Variants in WDR82 observed in about 807,000 individuals in gnomAD.
WDR82 encodes WD repeat domain 82.
Under a neutral mutation model 36.1 loss-of-function variants are expected in WDR82, and 8 were observed. The ratio of observed to expected loss-of-function variants is 0.22; its 90% CI spans 0.13 to 0.40. The LOEUF (loss-of-function observed/expected upper bound fraction) is 0.40. WDR82 is among the 10% of genes least tolerant of loss of function. The probability of loss-of-function intolerance (pLI) is 1.00; values close to 1 mark genes in which losing one functional copy is unlikely to be tolerated. For synonymous variants in WDR82, 129 were observed against 137.8 expected, an observed-to-expected ratio of 0.94 and a Z score of 0.45; for missense variants, 185 against 400.5, an observed-to-expected ratio of 0.46 and a Z score of 4.59.
intron 3 of WDR82, among the ~76,000 whole-genome samples, chr3:52,263,619 G>GA (rs1700079832): frequency 6.6e-6 from 1 of 152,224 alleles, no homozygotes; most frequent in African/African-American, 2.4e-5. Flanking sequence ...GAACACAGAG[G>GA]AAAGTGACAC....
intron 2 of WDR82, among the ~76,000 whole-genome samples, chr3:52,270,362 G>A (rs1405698101): frequency 6.6e-6 from 1 of 152,096 alleles, no homozygotes; most frequent in Non-Finnish European, 1.5e-5. Context: ...TCAGTGATCC[G>A]CCCACCTCAG....
In WDR82 at chr3:52,278,425, G is replaced by A; in HGVS notation, c.-64C>T. The A allele has an allele frequency of 8.2e-7, 1 of 1,212,750 alleles. No homozygotes were observed. Among genetic ancestry groups the A allele is most frequent in the Non-Finnish European group, 1.0e-6 (1 of 974,234 alleles). The allele number at this position is 1,212,750 out of a possible 1,614,324, so 75.1% of individuals were successfully genotyped here. A position where few individuals can be genotyped will look rare whatever the true frequency, so the allele number is the denominator to read the frequency against. On this transcript the variant is annotated 5_prime_UTR_variant, in exon 1 of 9. Transcript: ENST00000296490. Reference sequence around the variant, plus strand: ...GGCGGGGCCCGGCGGCGAGCGGGCGGGCTGCCGAGGGGCCAACCCAGGCGG... The same window carrying A: ...GGCGGGGCCCGGCGGCGAGCGGGCGAGCTGCCGAGGGGCCAACCCAGGCGG...
intron 1 of WDR82, among the ~76,000 whole-genome samples, chr3:52,274,134 T>C (rs138548533): frequency 1.4e-4 from 21 of 152,322 alleles, no homozygotes; most frequent in East Asian, 7.7e-4. Flanking sequence ...CTCTTCCAAA[T>C]TGAAATATCA....
intron 1 of WDR82, among the ~76,000 whole-genome samples, chr3:52,271,378 C>T (rs1004457617): frequency 1.3e-5 from 2 of 151,956 alleles, no homozygotes; most frequent in African/African-American, 4.8e-5. Flanking sequence ...CAGATTATAC[C>T]GTCAGGTTTG....
At chr3:52,261,281 G>A in intron 4 of WDR82, 99 bp downstream of exon 4, 2 of 1,088,678 alleles carry the variant, frequency 1.8e-6, no homozygotes, top group East Asian at 2.5e-5. Flanking sequence ...TGTGATCCCA[G>A]AATGGAACCA....
At chr3:52,277,417 G>C (rs993693012) in intron 1 of WDR82, among the ~76,000 whole-genome samples, 26 of 148,370 alleles carry the variant, frequency 1.8e-4, no homozygotes, top group African/African-American at 6.2e-4. Context: ...AAGTGTAATA[G>C]AAAAAAAAAA....
intron 6 of WDR82, 67 bp from the exon 7 acceptor site, chr3:52,259,333 A>C: frequency 6.8e-7 from 1 of 1,466,154 alleles, no homozygotes; most frequent in Non-Finnish European, 9.5e-7. Context: ...GCCTACAAAC[A>C]CTGACTCAGC....
intron 1 of WDR82, 174 bp downstream of exon 1, chr3:52,278,027 G>T (rs78427693): frequency 2.1e-6 from 1 of 466,652 alleles, no homozygotes; most frequent in Admixed American, 4.3e-5. Flanking sequence ...TTTTTTTTAA[G>T]AAGAAAAAAA....
chr3:52,274,711 T>C (rs111250548), intron 1 of WDR82, among the ~76,000 whole-genome samples: 5 of 152,038 alleles, frequency 3.3e-5, no homozygotes, highest in African/African-American at 1.2e-4. Context: ...GAGACCAACA[T>C]GGCCAACATT....
chr3:52,265,987 T>A (rs1469437569), intron 3 of WDR82, among the ~76,000 whole-genome samples: 2 of 151,960 alleles, frequency 1.3e-5, no homozygotes, highest in Non-Finnish European at 2.9e-5. Context: ...CAGGAAAAAA[T>A]ACCCCAAGTG....
intron 1 of WDR82, among the ~76,000 whole-genome samples, chr3:52,274,845 G>C (rs1297810074): frequency 6.6e-6 from 1 of 151,920 alleles, no homozygotes; most frequent in African/African-American, 2.4e-5. Context: ...GGTTGCAGCA[G>C]TGAGCCAAGA....
At chr3:52,263,950 G>C (rs1039866221) in intron 3 of WDR82, among the ~76,000 whole-genome samples, 4 of 152,126 alleles carry the variant, frequency 2.6e-5, no homozygotes, top group Non-Finnish European at 4.4e-5. Flanking sequence ...GATCACCTGA[G>C]GTCAGGAGTT....
intron 7 of WDR82, 40 bp from the exon 8 acceptor site, chr3:52,258,718 G>A (rs760523474): frequency 7.4e-6 from 12 of 1,612,364 alleles, no homozygotes; most frequent in Admixed American, 3.3e-5. Context: ...AGCTCAAGGC[G>A]CAATACAAAG....
chr3:52,270,135 T>C (rs1442559194), intron 2 of WDR82, among the ~76,000 whole-genome samples: 1 of 152,250 alleles, frequency 6.6e-6, no homozygotes, highest in Non-Finnish European at 1.5e-5. Flanking sequence ...AGTGTTCTTT[T>C]TGGAGATGGA....
In WDR82 at chr3:52,256,206, C is replaced by T. The variant is rs538196832; in HGVS notation, c.*1284G>A. ...CAAACACTATCAGCTTTGCTTCAGT[C>T]TTCTGAAATGAAAATATTAATAAGG... is the stretch of plus-strand genomic sequence containing the variant. On this transcript the variant is annotated 3_prime_UTR_variant, in exon 9 of 9. Transcript: ENST00000296490. 6.5e-6 allele frequency: 1 copy of T among 154,046 alleles called. No individual in the cohort carries two copies. The highest frequency in any genetic ancestry group is 2.1e-4 in the South Asian group (1 of 4,828). The allele number at this position is 154,046 out of a possible 1,614,324, so 9.5% of individuals were successfully genotyped here.
rs1700009748 is a variant in WDR82, at chr3:52,256,417, C to T, written c.*1073G>A. The T allele has an allele frequency of 6.5e-6, 1 of 153,662 alleles. No individual in the cohort carries two copies. The highest frequency in any genetic ancestry group is 1.5e-5 in the Non-Finnish European group (1 of 68,036). 9.5% of individuals were successfully genotyped at this position (153,662 alleles called of 1,614,324 possible). A position where few individuals can be genotyped will look rare whatever the true frequency, so the allele number is the denominator to read the frequency against. ...TTTAAATGAAGGTGCATACACTGTG[C>T]TAAAATACAAACAACAGAAATCAAA... On this transcript the variant is annotated 3_prime_UTR_variant, in exon 9 of 9. Coordinates refer to ENST00000296490, the MANE Select transcript of WDR82 (RefSeq NM_025222.4).
chr3:52,255,693 G>C lies in WDR82; in HGVS notation c.*1797C>G, dbSNP rs11542804. ...TGATGCCTTGATTTACCCCCTAGCA[G>C]CTACATATTCTTGAGCAAGTCATAA... is the stretch of plus-strand genomic sequence containing the variant. On this transcript the variant is annotated 3_prime_UTR_variant, in exon 9 of 9. Transcript: ENST00000296490. 19,778 of 152,092 alleles carry C rather than the reference G, an allele frequency of 0.13. 1,740 individuals carry two copies. Among genetic ancestry groups the C allele is most frequent in the Middle Eastern group, 0.22 (66 of 294 alleles). The allele number at this position is 152,092 out of a possible 1,614,324, so 9.4% of individuals were successfully genotyped here. A position where few individuals can be genotyped will look rare whatever the true frequency, so the allele number is the denominator to read the frequency against.
At chr3:52,261,309 T>G in intron 4 of WDR82, 71 bp downstream of exon 4, 5 of 1,301,890 alleles carry the variant, frequency 3.8e-6, no homozygotes, top group Non-Finnish European at 4.3e-6. Context: ...CTCCCTTCTT[T>G]GAGAGGTAGA....
In WDR82 at chr3:52,259,678, G is replaced by A. The variant is rs114867760; in HGVS notation, c.699+39C>T. ...ACATAATTCTTAGCATAGGAAGTAT[G>A]AGCATGGAAACAGCCATGCTTGAAG... On this transcript the variant is annotated intron_variant, in intron 6 of 8. Coordinates refer to ENST00000296490, the MANE Select transcript of WDR82 (RefSeq NM_025222.4). 1,938 of 1,589,268 alleles carry A rather than the reference G, an allele frequency of 1.2e-3. 24 individuals are homozygous for A. The African/African-American group carries it at 0.022, about 18-fold the overall frequency.
Sources: allele counts gnomAD v4.1 joint callset (sites outside exome capture counted in the v4.1 genomes callset), GRCh38; gene constraint gnomAD v4.1.1; transcripts MANE v1.5; gene names NCBI Gene and HGNC (gene_info 2026-07-23, HGNC 2026-07-21).